LIN54: variants seen among roughly 807,000 people sequenced by gnomAD.
The protein encoded by LIN54 is protein lin-54 homolog.
Under a neutral mutation model 78.7 loss-of-function variants are expected in LIN54, and 9 were observed. The observed-to-expected ratio is 0.11, with a 90% CI of 0.07 to 0.20. The LOEUF (loss-of-function observed/expected upper bound fraction) is 0.20, where lower values mean the gene tolerates loss of function less well. Among genes scored for constraint, LIN54 ranks in the 10% least tolerant of loss-of-function variants. The pLI is 1.00. For synonymous variants in LIN54, 269 were observed against 318.4 expected, an observed-to-expected ratio of 0.84 and a Z score of 1.65; for missense variants, 573 against 889.9, an observed-to-expected ratio of 0.64 and a Z score of 4.53.
intron 1 of LIN54, among the ~76,000 whole-genome samples, chr4:83,004,144 TC>T (rs1456437176): frequency 1.3e-5 from 2 of 152,002 alleles, no homozygotes; most frequent in African/African-American, 4.8e-5. Context: ...ATGCCTGTAA[TC>T]CCAGCATTTT....
At position 82,984,733 on chromosome 4, in the gene LIN54, T is replaced by C. The variant is rs769590982; in HGVS notation, c.112A>G (p.Ile38Val). The C allele has an allele frequency of 6.2e-7, 1 of 1,614,144 alleles. No individual in the cohort carries two copies. The change falls in exon 2 of 13, where the codon ATT (isoleucine) becomes GTT (valine). Residue 38 changes from isoleucine to valine, a missense_variant. Physicochemically the swap from Ile to Val is conservative, Grantham distance 29 (BLOSUM62 3). Coordinates refer to ENST00000340417, the MANE Select transcript of LIN54 (RefSeq NM_194282.4). ...SIEAVIVSSP[I>V]PMETELEEIV... ...TCTTCCAGTTCTGTCTCCATGGGAA[T>C]TGGGGATGAAACAATAACAGCCTCA... is the stretch of plus-strand genomic sequence containing the variant.
intron 5 of LIN54, among the ~76,000 whole-genome samples, chr4:82,945,479 C>G (rs1035759082): frequency 1.3e-5 from 2 of 151,602 alleles, no homozygotes; most frequent in East Asian, 3.9e-4. Flanking sequence ...TACAACTAAG[C>G]AAAATAAAAC....
chr4:82,996,671 T>C (rs761171332), intron 1 of LIN54, among the ~76,000 whole-genome samples: 3 of 152,070 alleles, frequency 2.0e-5, no homozygotes, highest in Non-Finnish European at 4.4e-5. Flanking sequence ...CCCAAAGTGC[T>C]GGAATTACAG....
chr4:82,947,010 C>T (rs1052682934), intron 4 of LIN54, among the ~76,000 whole-genome samples: 12 of 150,248 alleles, frequency 8.0e-5, no homozygotes, highest in African/African-American at 2.7e-4. Flanking sequence ...TGCCTCAGCC[C>T]CCCAAAGTGC....
chr4:82,948,566 T>G (rs1723595524), intron 4 of LIN54, among the ~76,000 whole-genome samples: 1 of 152,208 alleles, frequency 6.6e-6, no homozygotes, highest in Non-Finnish European at 1.5e-5. Context: ...GCAAGGGCAG[T>G]TAAAATCTAC....
chr4:82,984,437 A>C lies in LIN54; in HGVS notation c.408T>G (p.Asp136Glu), dbSNP rs762468652. Residue 136 changes from aspartate (D) to glutamate (E), a missense_variant, in exon 2 of 13, where the codon GAT becomes GAG. This residue lies in a region of LIN54 where 183 missense variants were observed against 228.4 expected (regional missense o/e 0.80). Transcript: ENST00000340417. ...LKLGNQTLKP[D>E]GQKLILTTLG... is the part of the protein sequence containing the mutation. The stretch of plus-strand genomic sequence containing the variant: ...AAGTTGTTAAAATTAACTTCTGTCC[A>C]TCTGGTTTAAGGGTCTGATTGCCAA... The C allele has an allele frequency of 8.1e-6, 13 of 1,614,230 alleles. No homozygotes were observed. The South Asian group carries it at 1.2e-4, about 15-fold the overall frequency.
Position 82,937,253 on chromosome 4 carries a change from A to G in LIN54, c.1578T>C (p.Asn526=). Residue 526 remains asparagine, a synonymous_variant, in exon 9 of 13, where the codon AAT becomes AAC. Transcript: ENST00000340417. ...ESASRPRKPC[N]CTKSLCLKLY... is the part of the protein sequence containing the mutation. ...ATTTCAAACACAGTGATTTTGTACAATTACAGGGCTTTCGGGGCCGACTGG... is the reference window on the plus strand; with the variant it reads ...ATTTCAAACACAGTGATTTTGTACAGTTACAGGGCTTTCGGGGCCGACTGG... 1 of 1,532,684 alleles carries G rather than the reference A, an allele frequency of 6.5e-7. No homozygotes were observed. The highest frequency in any genetic ancestry group is 9.0e-7 in the Non-Finnish European group (1 of 1,105,786). 94.9% of individuals were successfully genotyped at this position (1,532,684 alleles called of 1,614,324 possible). A position where few individuals can be genotyped will look rare whatever the true frequency, so the allele number is the denominator to read the frequency against.
chr4:82,953,025 A>G (rs1261139844), intron 4 of LIN54, among the ~76,000 whole-genome samples: 2 of 152,224 alleles, frequency 1.3e-5, no homozygotes, highest in African/African-American at 4.8e-5. Context: ...CCCAGCCTGG[A>G]CAGCAGTGGT....
rs1218432110 is a variant in LIN54 at position 82,926,026 on chromosome 4, A to C, written c.*2076T>G. 1.3e-5 allele frequency: 2 copies of C among 152,624 alleles called. No individual in the cohort carries two copies. Among genetic ancestry groups the C allele is most frequent in the Non-Finnish European group, 2.9e-5 (2 of 68,016 alleles). 9.5% of individuals were successfully genotyped at this position (152,624 alleles called of 1,614,324 possible). ...TATTTTAGATAGATAGATTTTTGAA[A>C]ATCAGAAAAACTAGTAGCATTTGAT... is the stretch of plus-strand genomic sequence containing the variant. On this transcript the variant is annotated 3_prime_UTR_variant, in exon 13 of 13. Coordinates refer to ENST00000340417, the MANE Select transcript of LIN54 (RefSeq NM_194282.4).
intron 8 of LIN54, among the ~76,000 whole-genome samples, chr4:82,938,201 G>T (rs758121127): frequency 3.9e-5 from 6 of 152,190 alleles, no homozygotes; most frequent in Admixed American, 6.5e-5. Context: ...AATAAAACTA[G>T]TGTAGTGAAA....
upstream of LIN54, among the ~76,000 whole-genome samples, chr4:83,011,043 C>G (rs1729831051): frequency 6.6e-6 from 1 of 152,304 alleles, no homozygotes; most frequent in African/African-American, 2.4e-5. Flanking sequence ...CCAAGTCCGG[C>G]ATATTTTTGT....
rs1268580098 is a variant in LIN54 at position 82,935,450 on chromosome 4, G to A, written c.1845+531C>T. On this transcript the variant is annotated intron_variant, in intron 11 of 12. Coordinates refer to ENST00000340417, the MANE Select transcript of LIN54 (RefSeq NM_194282.4). ...ATTACAGGCACCTGCCACCATGCCC[G>A]GCTAATTTTTGTATTTTAGTACAGA... Among the ~76,000 whole-genome samples the A allele has an allele frequency of 4.6e-5, 7 of 151,616 alleles. No individual in the cohort carries two copies. The South Asian group carries it at 1.3e-3, about 27-fold the overall frequency.
rs112871612 is a variant in LIN54, at chr4:82,936,062, C to T, written c.1764G>A (p.Glu588=). ...TGCTATGACGTCGATCAGATTCTCCCTCCTTTCCTTTCCCTATCTTAGGCT... is the reference window on the plus strand; with the variant it reads ...TGCTATGACGTCGATCAGATTCTCCTTCCTTTCCTTTCCCTATCTTAGGCT... ...AFKPKIGKGK[E]GESDRRHSKG... The change falls in exon 11 of 13, where the codon GAG becomes GAA. Residue 588 remains glutamate, a synonymous_variant. Transcript: ENST00000340417. 1,800 of 1,614,002 alleles carry T rather than the reference C, an allele frequency of 1.1e-3. 28 individuals are homozygous for T. In the African/African-American group the frequency reaches 0.02, roughly 18 times the overall value.
intron 1 of LIN54, among the ~76,000 whole-genome samples, chr4:82,987,579 T>C (rs572982608): frequency 6.6e-6 from 1 of 152,198 alleles, no homozygotes; most frequent in Admixed American, 6.5e-5. Context: ...CCTCTCTGTG[T>C]CCATGTGTTC....
Position 83,007,591 on chromosome 4 carries a change from G to C in LIN54, c.-33+2893C>G, listed in dbSNP as rs139025478. Among the ~76,000 whole-genome samples, 5 of 152,100 alleles carry C rather than the reference G, an allele frequency of 3.3e-5. No homozygotes were observed. In the East Asian group the frequency reaches 9.7e-4, roughly 29 times the overall value. ...ATTTCTCTGTGGTTTTACGGCATCC[G>C]ATAGTCTACTAAATGGCCAGGCGTG... On this transcript the variant is annotated intron_variant, in intron 1 of 12. Transcript: ENST00000340417.
chr4:82,936,801 C>A (rs1293457659), intron 9 of LIN54, among the ~76,000 whole-genome samples: 1 of 152,046 alleles, frequency 6.6e-6, no homozygotes, highest in African/African-American at 2.4e-5. Flanking sequence ...GATTCTATGC[C>A]CCAATAAGAC....
intron 4 of LIN54, among the ~76,000 whole-genome samples, chr4:82,968,988 T>G (rs1477306799): frequency 6.6e-6 from 1 of 152,034 alleles, no homozygotes; most frequent in African/African-American, 2.4e-5. Flanking sequence ...ACTCTCCAGG[T>G]GATCCCAATA....
rs145688519 is a variant in LIN54, at chr4:82,978,522, G to A, written c.808+361C>T. Among the ~76,000 whole-genome samples the A allele has an allele frequency of 1.1e-4, 16 of 152,270 alleles. No homozygotes were observed. The East Asian group carries it at 1.5e-3, about 15-fold the overall frequency. On this transcript the variant is annotated intron_variant, in intron 3 of 12. Transcript: ENST00000340417. ...GCCTCCACTTCCACACTGGCAAAAC[G>A]GGAATGTTATTAGTACCTACCTCAT...
intron 11 of LIN54, among the ~76,000 whole-genome samples, chr4:82,934,214 C>T (rs1176527256): frequency 2.0e-5 from 3 of 152,086 alleles, no homozygotes; most frequent in African/African-American, 4.8e-5. Flanking sequence ...ACCGGGCCAA[C>T]GTGGTGAAAC....
Sources: gnomAD v4.1 joint callset for allele counts (sites outside exome capture counted in the v4.1 genomes callset) on GRCh38, gnomAD v4.1.1 for gene constraint, gnomAD v4.1.1 regional missense constraint, MANE v1.5 for transcripts, NCBI Gene and HGNC (gene_info 2026-07-23, HGNC 2026-07-21) for gene names.